LRP1B: variants seen among roughly 807,000 people sequenced by gnomAD.
LRP1B encodes the protein low-density lipoprotein receptor-related protein 1B.
A neutral mutation model predicts 556.6 loss-of-function variants in LRP1B; 217 were observed. The ratio of observed to expected loss-of-function variants is 0.39; its 90% CI spans 0.35 to 0.44. The LOEUF is 0.44. LRP1B is among the 20% of genes least tolerant of loss of function. LRP1B has a pLI of 1.00. For missense variants in LRP1B, 5,053 were observed against 5,620.8 expected, an observed-to-expected ratio of 0.90 and a Z score of 3.23; for synonymous variants, 2,047 against 1,865.8, an observed-to-expected ratio of 1.10 and a Z score of -2.50.
At chr2:142,101,540 T>C (rs542245635) in intron 1 of LRP1B, among the ~76,000 whole-genome samples, 1 of 152,170 alleles carries the variant, frequency 6.6e-6, no homozygotes, top group African/African-American at 2.4e-5. Context: ...AGATGACTCT[T>C]ACAGTCCTAA....
chr2:140,623,878 C>T (rs1683547237), intron 41 of LRP1B, among the ~76,000 whole-genome samples: 1 of 149,428 alleles, frequency 6.7e-6, no homozygotes, highest in East Asian at 2.0e-4. Context: ...GAGATTCTGC[C>T]ACTGCACTCC....
chr2:140,469,697 G>A (rs1687686835), intron 60 of LRP1B, among the ~76,000 whole-genome samples: 1 of 152,148 alleles, frequency 6.6e-6, no homozygotes, highest in African/African-American at 2.4e-5. Flanking sequence ...TTGTGTAAGT[G>A]TATACTTATG....
chr2:141,882,666 T>C (rs1207566546), intron 1 of LRP1B, among the ~76,000 whole-genome samples: 2 of 152,184 alleles, frequency 1.3e-5, no homozygotes, highest in African/African-American at 4.8e-5. Flanking sequence ...TGAAGTAGTT[T>C]CCATTAATAG....
chr2:142,031,334 T>A (rs2029143), intron 1 of LRP1B, among the ~76,000 whole-genome samples: 15,065 of 121,546 alleles, frequency 0.12, 1,693 homozygotes, highest in African/African-American at 0.21. Flanking sequence ...ATACTTATTT[T>A]TTTTTTTTTT....
At chr2:141,191,079 C>T (rs1681482440) in intron 6 of LRP1B, among the ~76,000 whole-genome samples, 1 of 151,894 alleles carries the variant, frequency 6.6e-6, no homozygotes, top group African/African-American at 2.4e-5. Context: ...GCTAAATGCC[C>T]CATTTACTAT....
At chr2:140,875,775 T>G (rs1693285954) in intron 25 of LRP1B, among the ~76,000 whole-genome samples, 1 of 152,142 alleles carries the variant, frequency 6.6e-6, no homozygotes, top group African/African-American at 2.4e-5. Context: ...TGGTGTTCAG[T>G]TTTCTTTGGG....
intron 37 of LRP1B, among the ~76,000 whole-genome samples, chr2:140,706,344 T>TA (rs1686836249): frequency 6.6e-6 from 1 of 152,194 alleles, no homozygotes; most frequent in African/African-American, 2.4e-5. Flanking sequence ...GTAGCCCTAC[T>TA]AAAAATACTT....
intron 86 of LRP1B, among the ~76,000 whole-genome samples, chr2:140,252,065 A>AAAAAAAAAAAAAAAAAAAAAAAC (rs1681449194): frequency 8.8e-6 from 1 of 113,768 alleles, no homozygotes; most frequent in Non-Finnish European, 1.9e-5. Context: ...CAAGATGCAA[A>AAAAAAAAAAAAAAAAAAAAAAAC]AAAAAAAAAA....
Position 140,886,274 on chromosome 2 carries a change from G to C in LRP1B, c.3828C>G (p.His1276Gln), listed in dbSNP as rs764709884. The change falls in exon 24 of 91, where the codon CAC (histidine) becomes CAG (glutamine). Residue 1276 changes from histidine (H) to glutamine (Q), a missense_variant. Physicochemically the swap from His to Gln is conservative, Grantham distance 24. Transcript: ENST00000389484. Reference sequence around the variant, plus strand: ...GAACAAGTAGACTATAGTCTCTTTTGTGAAGATCAATCCTTCTGATCTCAT... The same window carrying C: ...GAACAAGTAGACTATAGTCTCTTTTCTGAAGATCAATCCTTCTGATCTCAT... ...IRHEIRRIDLHKRDYSLLVPG... is the reference protein window; with the variant it reads ...IRHEIRRIDLQKRDYSLLVPG... The C allele has an allele frequency of 5.6e-6, 9 of 1,609,336 alleles. No homozygotes were observed. Among genetic ancestry groups the C allele is most frequent in the Non-Finnish European group, 7.6e-6 (9 of 1,176,712 alleles).
At chr2:140,947,515 T>G (rs538593982) in intron 20 of LRP1B, among the ~76,000 whole-genome samples, 1 of 152,344 alleles carries the variant, frequency 6.6e-6, no homozygotes, top group South Asian at 2.1e-4. Context: ...CTGAATTATA[T>G]GACTAATCAA....
At chr2:141,059,871 C>G (rs1333587579) in intron 8 of LRP1B, among the ~76,000 whole-genome samples, 1 of 151,730 alleles carries the variant, frequency 6.6e-6, no homozygotes, top group Non-Finnish European at 1.5e-5. Context: ...TGCTAGGCAC[C>G]TTGCCTTTGG....
At chr2:140,467,980 G>C (rs1687618589) in intron 60 of LRP1B, among the ~76,000 whole-genome samples, 1 of 152,206 alleles carries the variant, frequency 6.6e-6, no homozygotes, top group South Asian at 2.1e-4. Flanking sequence ...AATATCAAGG[G>C]TGTGGCCAAG....
intron 51 of LRP1B, among the ~76,000 whole-genome samples, chr2:140,511,371 G>A (rs951654112): frequency 3.0e-5 from 4 of 131,168 alleles, no homozygotes; most frequent in Admixed American, 2.9e-4. Context: ...GCGCGGTCTC[G>A]GCTCAATGCA....
chr2:141,965,600 GA>G (rs1283934744), intron 1 of LRP1B, among the ~76,000 whole-genome samples: 1 of 95,290 alleles, frequency 1.0e-5, no homozygotes, highest in Non-Finnish European at 2.0e-5. Flanking sequence ...CTGTGGTGGG[GA>G]GGGGGGAGGG....
rs1481287406 is a variant in LRP1B, at chr2:140,844,737, T to G, written c.4940-3645A>C. The stretch of plus-strand genomic sequence containing the variant: ...TAATCATGAAGTATAATCTGAAAAG[T>G]CCTTTATTGCCACAACACTGATGCA... On this transcript the variant is annotated intron_variant, in intron 29 of 90. Coordinates refer to ENST00000389484, the MANE Select transcript of LRP1B (RefSeq NM_018557.3). Among the ~76,000 whole-genome samples the G allele has an allele frequency of 2.0e-5, 3 of 152,290 alleles. No homozygotes were observed. The East Asian group carries it at 5.8e-4, about 29-fold the overall frequency.
At chr2:140,556,666 C>T (rs774118550) in intron 43 of LRP1B, among the ~76,000 whole-genome samples, 3 of 151,968 alleles carry the variant, frequency 2.0e-5, no homozygotes, top group Admixed American at 6.6e-5. Context: ...GACTTACCTT[C>T]GTCCCTACAT....
chr2:140,534,859 T>C (rs1052269054), intron 46 of LRP1B, among the ~76,000 whole-genome samples: 3 of 152,154 alleles, frequency 2.0e-5, no homozygotes, highest in African/African-American at 7.2e-5. Flanking sequence ...AGTTGTTTCG[T>C]AGTGGAAAAC....
intron 2 of LRP1B, among the ~76,000 whole-genome samples, chr2:141,655,963 G>A (rs1689993499): frequency 6.6e-6 from 1 of 152,060 alleles, no homozygotes; most frequent in Admixed American, 6.5e-5. Context: ...AACTTACTGA[G>A]TGTCAGATAC....
intron 2 of LRP1B, among the ~76,000 whole-genome samples, chr2:141,574,898 G>A (rs1686676732): frequency 6.6e-6 from 1 of 152,046 alleles, no homozygotes; most frequent in South Asian, 2.1e-4. Flanking sequence ...CAGCTAACAA[G>A]GGATGTGAAG....
Sources: allele counts gnomAD v4.1 joint callset (sites outside exome capture counted in the v4.1 genomes callset), GRCh38; gene constraint gnomAD v4.1.1; transcripts MANE v1.5; gene names NCBI Gene and HGNC (gene_info 2026-07-23, HGNC 2026-07-21).